KCNC4: variants seen among roughly 807,000 people sequenced by gnomAD.
KCNC4 encodes voltage-gated potassium channel KCNC4.
KCNC4 carries 23 observed loss-of-function variants against 42.8 expected under a neutral mutation model. That is an observed-to-expected ratio of 0.54 (90% CI 0.39 to 0.76). KCNC4 has a LOEUF of 0.76. Among genes scored for constraint, KCNC4 ranks in the 30% least tolerant of loss-of-function variants. The pLI is 0.00. For missense variants in KCNC4, 751 were observed against 898.2 expected, an observed-to-expected ratio of 0.84 and a Z score of 2.10; for synonymous variants, 422 against 393.5, an observed-to-expected ratio of 1.07 and a Z score of -0.86.
At chr1:110,255,290 C>T (rs182224909) in intron 1 of KCNC4, among the ~76,000 whole-genome samples, 13 of 152,278 alleles carry the variant, frequency 8.5e-5, no homozygotes, top group Non-Finnish European at 1.5e-5. Context: ...TGGCCGTCCC[C>T]CTGGAACCCC....
At chr1:110,277,298 T>C (rs1456956351) in intron 1 of KCNC4, among the ~76,000 whole-genome samples, 6 of 152,240 alleles carry the variant, frequency 3.9e-5, no homozygotes, top group Admixed American at 2.6e-4. Flanking sequence ...ATAATAGAAA[T>C]GTAATGCTAT....
At position 110,210,321 on chromosome 1, in the gene KCNC4, C is replaced by T. The variant is rs1173242994; in HGVS notation, c.-1179C>T. 6.6e-6 allele frequency among the ~76,000 whole-genome samples: 1 copy of T among 151,582 alleles called. No homozygotes were observed. Among genetic ancestry groups the T allele is most frequent in the Non-Finnish European group, 1.5e-5 (1 of 67,852 alleles). On this transcript the variant is annotated 5_prime_UTR_variant, in exon 1 of 4. Transcript: ENST00000438661. ...CCCGGAGGAAAAGGCGCCACTGGGG[C>T]GTGGCGGCCGCTGCCAGCGCCGGAG...
Position 110,257,720 on chromosome 1 carries a change from C to CAAAAAAAAA in KCNC4, n.31-24800_31-24792dup, listed in dbSNP as rs56333861. On this transcript the variant is annotated intron_variant and non_coding_transcript_variant, in intron 1 of 2. Coordinates refer to the KCNC4 transcript ENST00000412512. The stretch of plus-strand genomic sequence containing the variant: ...TTGGCAACAGAGCGAGACTCCGTCT[C>CAAAAAAAAA]AAAAAAAAAAAAAAAAAAAAAAGTC... Among the ~76,000 whole-genome samples the CAAAAAAAAA allele has an allele frequency of 8.9e-4, 81 of 90,956 alleles. 3 individuals carry two copies. The highest frequency in any genetic ancestry group is 1.3e-3 in the African/African-American group (27 of 20,204). The allele number at this position is 90,956 out of a possible 152,430, so 59.7% of individuals were successfully genotyped here.
Position 110,210,910 on chromosome 1 carries a change from G to T in KCNC4, c.-590G>T, listed in dbSNP as rs529453130. On this transcript the variant is annotated 5_prime_UTR_variant, in exon 1 of 4. Coordinates refer to ENST00000438661, the MANE Select transcript of KCNC4 (RefSeq NM_001039574.3). Reference sequence around the variant, plus strand: ...GAATGGGGGGAAGAGGCCACATGCCGCCGCCGCCGCCTCGTGTTGACCGCA... The same window carrying T: ...GAATGGGGGGAAGAGGCCACATGCCTCCGCCGCCGCCTCGTGTTGACCGCA... Among the ~76,000 whole-genome samples the T allele has an allele frequency of 6.6e-6, 1 of 152,246 alleles. No individual in the cohort carries two copies. Among genetic ancestry groups the T allele is most frequent in the Non-Finnish European group, 1.5e-5 (1 of 68,002 alleles).
At chr1:110,235,735 T>C (rs1351845087), downstream of KCNC4, 1 of 152,232 alleles carries the variant, frequency 6.6e-6, no homozygotes, top group African/African-American at 2.4e-5. Context: ...CTTCCTCCTG[T>C]TCCCCAAAGC....
At chr1:110,214,436 C>T (rs1557852293) in intron 1 of KCNC4, among the ~76,000 whole-genome samples, 2 of 152,202 alleles carry the variant, frequency 1.3e-5, no homozygotes, top group Non-Finnish European at 2.9e-5. Context: ...CCCTCACCTG[C>T]TCCCGGGACA....
At chr1:110,222,748 T>C in intron 1 of KCNC4, 1 of 556,354 alleles carries the variant, frequency 1.8e-6, no homozygotes. Context: ...GCTTCTATCT[T>C]TTGTGACAAA....
chr1:110,237,471 A>G (rs1369799102), downstream of KCNC4: 2 of 152,180 alleles, frequency 1.3e-5, no homozygotes, highest in East Asian at 3.8e-4. Context: ...ACTTTCTAAC[A>G]AAATTACCAA....
rs1659410865 is a variant in KCNC4 at position 110,260,787 on chromosome 1, G to A, written n.31-21747G>A. On this transcript the variant is annotated intron_variant and non_coding_transcript_variant, in intron 1 of 2. Coordinates refer to the KCNC4 transcript ENST00000412512. ...CTACTAAAAATACAAAAAATTAGCC[G>A]GGCACGGAGACGTGCGCTTGTAGTC... is the stretch of plus-strand genomic sequence containing the variant. Among the ~76,000 whole-genome samples, 3 of 152,118 alleles carry A rather than the reference G, an allele frequency of 2.0e-5. No individual in the cohort carries two copies. In the South Asian group the frequency reaches 6.2e-4, roughly 32 times the overall value.
chr1:110,262,932 G>A (rs1035648491), intron 1 of KCNC4, among the ~76,000 whole-genome samples: 46 of 152,290 alleles, frequency 3.0e-4, no homozygotes, highest in African/African-American at 9.6e-4. Context: ...GTGAGACTCC[G>A]CGTAACCCCA....
intron 1 of KCNC4, among the ~76,000 whole-genome samples, chr1:110,218,627 G>A (rs1285515885): frequency 2.0e-5 from 3 of 152,088 alleles, no homozygotes; most frequent in Non-Finnish European, 2.9e-5. Flanking sequence ...TCCCAAACAC[G>A]GTGTCTTGTA....
intron 3 of KCNC4, among the ~76,000 whole-genome samples, chr1:110,230,800 G>A (rs1658655574): frequency 1.3e-5 from 2 of 152,192 alleles, no homozygotes; most frequent in South Asian, 4.1e-4. Flanking sequence ...CAGCACCTCT[G>A]GGCCTGCCCA....
chr1:110,212,043 C>T lies in KCNC4; in HGVS notation c.544C>T (p.Arg182Trp), dbSNP rs1202633942. 7.6e-6 allele frequency: 12 copies of T among 1,579,294 alleles called. No individual in the cohort carries two copies. Among genetic ancestry groups the T allele is most frequent in the African/African-American group, 1.4e-5 (1 of 73,988 alleles). ...GPSDEAGDDE[R>W]ELALQRLGPH... Reference sequence around the variant, plus strand: ...CAGCGACGAGGCCGGCGACGATGAGCGGGAGCTGGCCCTGCAGCGACTGGG... The same window carrying T: ...CAGCGACGAGGCCGGCGACGATGAGTGGGAGCTGGCCCTGCAGCGACTGGG... Residue 182 changes from arginine (R) to tryptophan (W), a missense_variant, in exon 1 of 4, where the codon CGG becomes TGG. Coordinates refer to ENST00000438661, the MANE Select transcript of KCNC4 (RefSeq NM_001039574.3).
downstream of KCNC4, among the ~76,000 whole-genome samples, chr1:110,253,310 C>A (rs1267845225): frequency 6.6e-6 from 1 of 152,242 alleles, no homozygotes; most frequent in Non-Finnish European, 1.5e-5. Flanking sequence ...CCACTCTGGT[C>A]TTCCCTAAAG....
intron 2 of KCNC4, chr1:110,224,154 G>T (rs897928829): frequency 8.9e-5 from 43 of 484,460 alleles, no homozygotes; most frequent in Non-Finnish European, 1.4e-4. Flanking sequence ...CAGTACATGG[G>T]GCTGTATATT....
intron 1 of KCNC4, among the ~76,000 whole-genome samples, chr1:110,217,707 G>A (rs1055321943): frequency 1.3e-5 from 2 of 152,158 alleles, no homozygotes; most frequent in African/African-American, 4.8e-5. Flanking sequence ...GGACCAGAAG[G>A]TCCTGGCTCA....
At chr1:110,256,402 T>C (rs2101071094) in intron 1 of KCNC4, among the ~76,000 whole-genome samples, 1 of 152,182 alleles carries the variant, frequency 6.6e-6, no homozygotes, top group Admixed American at 6.5e-5. Context: ...TCAGAGAAAA[T>C]AAACTGAGGC....
chr1:110,282,030 C>A lies in KCNC4; in HGVS notation n.31-504C>A, dbSNP rs79869158. The stretch of plus-strand genomic sequence containing the variant: ...CAAATTACCCACTGAGCACCCTGCA[C>A]CCTAGTGCCTAGGGACCAGTCCAGG... On this transcript the variant is annotated intron_variant and non_coding_transcript_variant, in intron 1 of 2. Coordinates refer to the KCNC4 transcript ENST00000412512. 4.3e-4 allele frequency among the ~76,000 whole-genome samples: 65 copies of A among 152,328 alleles called. No homozygotes were observed. The East Asian group carries it at 0.012, about 28-fold the overall frequency.
chr1:110,224,989 G>T (rs1658308176), intron 2 of KCNC4: 1 of 152,250 alleles, frequency 6.6e-6, no homozygotes, highest in South Asian at 2.1e-4. Flanking sequence ...CATGTCAGGG[G>T]CCTGGGTCTT....
Sources: allele counts gnomAD v4.1 joint callset (sites outside exome capture counted in the v4.1 genomes callset), GRCh38; gene constraint gnomAD v4.1.1; transcripts MANE v1.5; gene names NCBI Gene and HGNC (gene_info 2026-07-23, HGNC 2026-07-21).